The following SLC25A48 variants were observed in gnomAD, a reference collection of about 807,000 sequenced individuals.
SLC25A48 encodes CTC-321K16.1.
SLC25A48 carries 29 observed loss-of-function variants against 32.2 expected under a neutral mutation model. The observed-to-expected ratio is 0.90, with a 90% CI of 0.67 to 1.23. The LOEUF (loss-of-function observed/expected upper bound fraction) is 1.23. Among genes scored for constraint, SLC25A48 ranks in the 50% most tolerant of loss-of-function variants. The pLI, the probability that SLC25A48 is intolerant of heterozygous loss-of-function variation, is 0.00. For synonymous variants in SLC25A48, 164 were observed against 172.3 expected (o/e 0.95, Z 0.38); for missense variants, 399 against 422.7 (o/e 0.94, Z 0.49).
At chr5:135,694,700 G>T (rs979431122) in intron 3 of SLC25A48, among the ~76,000 whole-genome samples, 5 of 152,020 alleles carry the variant, frequency 3.3e-5, no homozygotes, top group Non-Finnish European at 1.5e-5. Context: ...CAATTCTCCT[G>T]CTCAGCCTCC....
upstream of SLC25A48, among the ~76,000 whole-genome samples, chr5:135,833,091 C>T (rs1758268345): frequency 6.6e-6 from 1 of 152,236 alleles, no homozygotes; most frequent in African/African-American, 2.4e-5. Flanking sequence ...CAGGCCTGGC[C>T]ATGGTTGCTG....
chr5:135,841,631 T>G (rs1217061037), intron 1 of SLC25A48, among the ~76,000 whole-genome samples: 2 of 151,948 alleles, frequency 1.3e-5, no homozygotes, highest in African/African-American at 2.4e-5. Flanking sequence ...GTGATCAATT[T>G]GAGAAGAAAT....
At chr5:135,627,580 G>A (rs775147996) in intron 1 of SLC25A48, among the ~76,000 whole-genome samples, 6 of 151,870 alleles carry the variant, frequency 4.0e-5, no homozygotes, top group Non-Finnish European at 5.9e-5. Flanking sequence ...CTTCATTAAA[G>A]TACTTCATGG....
chr5:135,802,030 T>C (rs982374608), intron 3 of SLC25A48, among the ~76,000 whole-genome samples: 2 of 151,762 alleles, frequency 1.3e-5, no homozygotes, highest in African/African-American at 4.8e-5. Flanking sequence ...ACACCCAGTA[T>C]TGCAGGGAAT....
At chr5:135,672,140 T>C (rs542740757) in intron 3 of SLC25A48, among the ~76,000 whole-genome samples, 6 of 152,130 alleles carry the variant, frequency 3.9e-5, no homozygotes, top group African/African-American at 9.6e-5. Flanking sequence ...GTGTAAGAGG[T>C]GATTTATGAC....
At chr5:135,760,834 T>C (rs1193744044) in intron 3 of SLC25A48, among the ~76,000 whole-genome samples, 5 of 152,196 alleles carry the variant, frequency 3.3e-5, no homozygotes, top group African/African-American at 1.2e-4. Context: ...TCTACTTCCA[T>C]GTGTGTACGT....
intron 3 of SLC25A48, among the ~76,000 whole-genome samples, chr5:135,669,902 C>T (rs1753614919): frequency 6.6e-6 from 1 of 152,180 alleles, no homozygotes; most frequent in Non-Finnish European, 1.5e-5. Context: ...GTTGAAGCCC[C>T]AGTCATTAAC....
At chr5:135,628,017 G>A (rs924926807) in intron 1 of SLC25A48, among the ~76,000 whole-genome samples, 3 of 152,204 alleles carry the variant, frequency 2.0e-5, no homozygotes, top group African/African-American at 7.2e-5. Flanking sequence ...TGAGGGTGAT[G>A]TGAGGCACCA....
intron 6 of SLC25A48, chr5:135,874,799 G>A: frequency 1.5e-6 from 1 of 647,552 alleles, no homozygotes; most frequent in Non-Finnish European, 2.8e-6. Flanking sequence ...CATGTCTGGT[G>A]TCCAAGGTAA....
chr5:135,648,477 CATT>C (rs1273360319), intron 3 of SLC25A48: 1 of 152,214 alleles, frequency 6.6e-6, no homozygotes, highest in African/African-American at 2.4e-5. Flanking sequence ...CCCTCAGAAA[CATT>C]GTGCTGATGG....
chr5:135,838,027 G>C (rs1039412494), intron 1 of SLC25A48, among the ~76,000 whole-genome samples: 1 of 152,146 alleles, frequency 6.6e-6, no homozygotes, highest in Admixed American at 6.5e-5. Flanking sequence ...CTAGAGACTT[G>C]TTGAATGGTT....
At chr5:135,818,054 CCTCTCTCTCTCTCTCTCTCTCTCTCT>C (rs58632457) in intron 4 of SLC25A48, among the ~76,000 whole-genome samples, 4,006 of 80,724 alleles carry the variant, frequency 0.05, 71 homozygotes, top group Middle Eastern at 0.087. Flanking sequence ...TCTCTCTGTT[CCTCTCTCTCTCTCTCTCTCTCTCTCT>C]CTCTCTCTCT....
At chr5:135,879,446 T>TC (rs1401820257) in intron 6 of SLC25A48, among the ~76,000 whole-genome samples, 2 of 152,086 alleles carry the variant, frequency 1.3e-5, no homozygotes, top group African/African-American at 4.8e-5. Context: ...AAGCCGTGCC[T>TC]CAACCCCATG....
At chr5:135,834,964 G>C in intron 1 of SLC25A48, 71 bp downstream of exon 1, 1 of 1,532,922 alleles carries the variant, frequency 6.5e-7, no homozygotes, top group South Asian at 1.2e-5. Context: ...ATGCTCTGAG[G>C]AAACTTTGCC....
At chr5:135,879,319 C>T (rs74518756) in intron 6 of SLC25A48, among the ~76,000 whole-genome samples, 4,898 of 152,212 alleles carry the variant, frequency 0.032, 306 homozygotes, top group African/African-American at 0.11. Flanking sequence ...TGAAAAGCCT[C>T]ATCTCATTTA....
At chr5:135,840,168 A>C (rs1157828671) in intron 1 of SLC25A48, among the ~76,000 whole-genome samples, 3 of 152,136 alleles carry the variant, frequency 2.0e-5, no homozygotes, top group Middle Eastern at 3.2e-3. Flanking sequence ...TTTTCCAAAG[A>C]GGTCTTCTTT....
intron 1 of SLC25A48, among the ~76,000 whole-genome samples, chr5:135,617,823 G>T (rs550962997): frequency 6.6e-6 from 1 of 151,430 alleles, no homozygotes; most frequent in Non-Finnish European, 1.5e-5. Context: ...ATATGATTTT[G>T]GTTTTAAAAA....
At chr5:135,580,066 T>G (rs773304532) in intron 1 of SLC25A48, among the ~76,000 whole-genome samples, 23 of 152,236 alleles carry the variant, frequency 1.5e-4, no homozygotes, top group Non-Finnish European at 3.1e-4. Context: ...TATGTCTAAT[T>G]TATCTATTAC....
intron 6 of SLC25A48, among the ~76,000 whole-genome samples, chr5:135,879,611 A>AGTGTGTGTGTGTGT (rs775091968): frequency 5.9e-5 from 7 of 119,410 alleles, no homozygotes; most frequent in Non-Finnish European, 9.9e-5. Context: ...AGAGAGAGAG[A>AGTGTGTGTGTGTGT]GTGTGTGTGT....
Sources: allele counts gnomAD v4.1 joint callset (sites outside exome capture counted in the v4.1 genomes callset), GRCh38; gene constraint gnomAD v4.1.1; transcripts MANE v1.5; gene names NCBI Gene and HGNC (gene_info 2026-07-23, HGNC 2026-07-21).